Variants in OR7A5 observed in about 807,000 individuals in gnomAD.
OR7A5 encodes olfactory receptor family 7 subfamily A member 5.
For missense variants in OR7A5, 319 were observed against 377.9 expected (o/e 0.84, Z 1.29); for synonymous variants, 140 against 146.7 (o/e 0.95, Z 0.33).
intron 1 of OR7A5, among the ~76,000 whole-genome samples, chr19:14,829,189 T>C (rs8101893): frequency 0.29 from 44,435 of 152,014 alleles, 6,847 homozygotes; most frequent in East Asian, 0.56. Context: ...TACAAAAACT[T>C]TGAGGGATGT....
intron 1 of OR7A5, among the ~76,000 whole-genome samples, chr19:14,831,199 G>C (rs1030590356): frequency 6.6e-6 from 1 of 152,054 alleles, no homozygotes; most frequent in African/African-American, 2.4e-5. Context: ...TGGCAACAAA[G>C]GTACAGATCG....
chr19:14,830,418 AG>A (rs1370396083), intron 1 of OR7A5, among the ~76,000 whole-genome samples: 37 of 151,704 alleles, frequency 2.4e-4, no homozygotes, highest in African/African-American at 8.5e-4. Flanking sequence ...ATACATTGCA[AG>A]GGTGCAACGG....
rs2044782834 is a variant in OR7A5 at position 14,827,576 on chromosome 19, A to G, written c.666T>C (p.Ile222=). ...CTGATGAGATTGCATGTATGGAAGA[A>G]ATTATCTTAGAGTAAGAGTAAAGGA... The part of the protein sequence containing the change: ...TGILYSYSKI[I]SSIHAISSAQ... Residue 222 remains isoleucine, a synonymous_variant, in exon 2 of 2, where the codon ATT becomes ATC. Coordinates refer to ENST00000322301, the MANE Select transcript of OR7A5 (RefSeq NM_017506.2). The G allele has an allele frequency of 6.2e-7, 1 of 1,614,188 alleles. No individual in the cohort carries two copies. The highest frequency in any genetic ancestry group is 8.5e-7 in the Non-Finnish European group (1 of 1,180,030).
chr19:14,833,832 T>C (rs770298588), intron 1 of OR7A5, among the ~76,000 whole-genome samples: 2 of 128,594 alleles, frequency 1.6e-5, no homozygotes, highest in South Asian at 2.4e-4. Flanking sequence ...GGGGATGGAG[T>C]GGGGAACTTT....
In OR7A5 at chr19:14,827,505, G is replaced by A; in HGVS notation, c.737C>T (p.Ser246Leu). The A allele has an allele frequency of 6.2e-7, 1 of 1,614,176 alleles. No individual in the cohort carries two copies. The highest frequency in any genetic ancestry group is 8.5e-7 in the Non-Finnish European group (1 of 1,180,040). Reference sequence around the variant, plus strand: ...TGCACCATAAAATAAGGAGACAACTGAGAGGTGAGATGCACAGGTGGAAAA... The same window carrying A: ...TGCACCATAAAATAAGGAGACAACTAAGAGGTGAGATGCACAGGTGGAAAA... ...KAFSTCASHLSVVSLFYGAIL... is the reference protein window; with the variant it reads ...KAFSTCASHLLVVSLFYGAIL... Residue 246 changes from serine to leucine, a missense_variant, in exon 2 of 2, where the codon TCA becomes TTA. Coordinates refer to ENST00000322301, the MANE Select transcript of OR7A5 (RefSeq NM_017506.2).
chr19:14,828,013 T>C lies in OR7A5; in HGVS notation c.229A>G (p.Thr77Ala). Residue 77 changes from threonine (T) to alanine (A), a missense_variant, in exon 2 of 2, where the codon ACC (threonine) becomes GCC (alanine). Thr to Ala is a moderately conservative substitution (Grantham distance 58, BLOSUM62 0). Transcript: ENST00000322301. The stretch of plus-strand genomic sequence containing the variant: ...ATGTTCATCAGCATTTTTGGAATGG[T>C]GGTGGAAGTAACACAAATGTCAGCA... ...SFADICVTST[T>A]IPKMLMNIQT... The C allele has an allele frequency of 6.2e-7, 1 of 1,614,152 alleles. No individual in the cohort carries two copies. Among genetic ancestry groups the C allele is most frequent in the East Asian group, 2.2e-5 (1 of 44,890 alleles).
In OR7A5 at chr19:14,828,141, A is replaced by C. The variant is rs753219648; in HGVS notation, c.101T>G (p.Met34Arg). The C allele has an allele frequency of 3.1e-6, 5 of 1,614,158 alleles. No homozygotes were observed. Among genetic ancestry groups the C allele is most frequent in the Non-Finnish European group, 4.2e-6 (5 of 1,180,030 alleles). Residue 34 changes from methionine (M) to arginine (R), a missense_variant, in exon 2 of 2, where the codon ATG becomes AGG. Transcript: ENST00000322301. ...GTTCCCGAGCACAGTGACCAGGTAC[A>C]TGGACAGGAACAGCCCAAAGAGGAA... Reference protein sequence around the residue: ...QPFLFGLFLSMYLVTVLGNLL... With the variant: ...QPFLFGLFLSRYLVTVLGNLL...
intron 1 of OR7A5, among the ~76,000 whole-genome samples, chr19:14,830,626 C>T (rs1419620751): frequency 6.6e-6 from 1 of 152,076 alleles, no homozygotes; most frequent in African/African-American, 2.4e-5. Context: ...TTTAATTTAA[C>T]AATAGTATTT....
At chr19:14,828,758 C>CAAAAAAAAAAAAAA (rs58983718) in intron 1 of OR7A5, among the ~76,000 whole-genome samples, 1 of 35,152 alleles carries the variant, frequency 2.8e-5, no homozygotes, top group African/African-American at 1.1e-4. Flanking sequence ...GACTCCATCT[C>CAAAAAAAAAAAAAA]AAAAAAAAAA....
intron 1 of OR7A5, among the ~76,000 whole-genome samples, chr19:14,834,712 A>G (rs2044868048): frequency 6.6e-6 from 1 of 152,198 alleles, no homozygotes; most frequent in African/African-American, 2.4e-5. Flanking sequence ...ATGTCTTTAC[A>G]TGACTGTATA....
chr19:14,828,985 C>A (rs1000751571), intron 1 of OR7A5, among the ~76,000 whole-genome samples: 7 of 151,850 alleles, frequency 4.6e-5, no homozygotes, highest in African/African-American at 1.7e-4. Flanking sequence ...TGGGAACAGG[C>A]GCTTGGAAAA....
At position 14,827,609 on chromosome 19, in the gene OR7A5, C is replaced by G. The variant is rs62122652; in HGVS notation, c.633G>C (p.Leu211=). Reference sequence around the variant, plus strand: ...TAGAGTAAGAGTAAAGGATCCCAGTCAGGGGACCTCCACCCAGCAGCGCAA... The same window carrying G: ...TAGAGTAAGAGTAAAGGATCCCAGTGAGGGGACCTCCACCCAGCAGCGCAA... ...FTVALLGGGP[L]TGILYSYSKI... is the part of the protein sequence containing the mutation. The change falls in exon 2 of 2, where the codon CTG becomes CTC. Residue 211 remains leucine, a synonymous_variant. Coordinates refer to ENST00000322301, the MANE Select transcript of OR7A5 (RefSeq NM_017506.2). 0.052 allele frequency: 83,221 copies of G among 1,614,084 alleles called. 2,468 individuals carry two copies. Among genetic ancestry groups the G allele is most frequent in the South Asian group, 0.095 (8,607 of 91,064 alleles).
chr19:14,833,273 G>A (rs1165381366), intron 1 of OR7A5, among the ~76,000 whole-genome samples: 1 of 152,254 alleles, frequency 6.6e-6, no homozygotes, highest in Non-Finnish European at 1.5e-5. Flanking sequence ...GAGGTCGGGA[G>A]TTCAAGACCA....
At chr19:14,828,787 A>AAAAAAG (rs2044802056) in intron 1 of OR7A5, among the ~76,000 whole-genome samples, 1 of 141,444 alleles carries the variant, frequency 7.1e-6, no homozygotes, top group African/African-American at 2.6e-5. Context: ...AAAAAAAAAA[A>AAAAAAG]GAATGAGAAC....
At chr19:14,832,586 C>T (rs2044844192) in intron 1 of OR7A5, among the ~76,000 whole-genome samples, 1 of 151,798 alleles carries the variant, frequency 6.6e-6, no homozygotes, top group Non-Finnish European at 1.5e-5. Flanking sequence ...GCCACAACAC[C>T]TGGCTAATTT....
At chr19:14,833,565 A>T (rs1023825813) in intron 1 of OR7A5, among the ~76,000 whole-genome samples, 40 of 152,254 alleles carry the variant, frequency 2.6e-4, no homozygotes. Context: ...TAACTAAGGC[A>T]ATAATTGCAG....
intron 1 of OR7A5, 146 bp from the exon 2 acceptor site, chr19:14,828,400 A>T (rs1328371813): frequency 1.3e-6 from 1 of 793,234 alleles, no homozygotes; most frequent in East Asian, 2.7e-5. Flanking sequence ...TCTCCATGTC[A>T]TCTCTGATTA....
At chr19:14,831,616 T>C (rs915704974) in intron 1 of OR7A5, among the ~76,000 whole-genome samples, 1 of 152,050 alleles carries the variant, frequency 6.6e-6, no homozygotes, top group African/African-American at 2.4e-5. Flanking sequence ...GGCTAATTTT[T>C]GTATTTTTAG....
chr19:14,834,636 A>T (rs1475350928), intron 1 of OR7A5, among the ~76,000 whole-genome samples: 2 of 151,836 alleles, frequency 1.3e-5, no homozygotes, highest in African/African-American at 2.4e-5. Flanking sequence ...CAATCCGTTC[A>T]TCTGGATTTT....
Sources: allele counts gnomAD v4.1 joint callset (sites outside exome capture counted in the v4.1 genomes callset), GRCh38; gene constraint gnomAD v4.1.1; transcripts MANE v1.5; gene names NCBI Gene and HGNC (gene_info 2026-07-23, HGNC 2026-07-21).